DSCAM: variants seen among roughly 807,000 people sequenced by gnomAD.
The protein encoded by DSCAM is DS cell adhesion molecule.
A neutral mutation model predicts 217.7 loss-of-function variants in DSCAM; 47 were observed. That is an observed-to-expected ratio of 0.22 (90% confidence interval 0.17 to 0.28). The LOEUF (loss-of-function observed/expected upper bound fraction) is 0.28. Among genes scored for constraint, DSCAM ranks in the 10% least tolerant of loss-of-function variants. The probability of loss-of-function intolerance (pLI) is 1.00; values close to 1 mark genes in which losing one functional copy is unlikely to be tolerated. For missense variants in DSCAM, 2,080 were observed against 2,618.3 expected, an observed-to-expected ratio of 0.79 and a Z score of 4.49; for synonymous variants, 1,056 against 1,015.3, an observed-to-expected ratio of 1.04 and a Z score of -0.76.
intron 11 of DSCAM, among the ~76,000 whole-genome samples, chr21:40,252,267 T>C (rs1329891636): frequency 6.6e-6 from 1 of 152,176 alleles, no homozygotes; most frequent in Non-Finnish European, 1.5e-5. Flanking sequence ...TGCCATAAAG[T>C]ATGCATGGGT....
intron 1 of DSCAM, among the ~76,000 whole-genome samples, chr21:40,783,441 G>A (rs554968685): frequency 6.6e-6 from 1 of 152,234 alleles, no homozygotes; most frequent in Non-Finnish European, 1.5e-5. Context: ...GTGTGTACGT[G>A]TGTGTGCGTG....
chr21:40,080,392 A>T (rs1256681961), intron 24 of DSCAM, 52 bp from the exon 25 acceptor site: 2 of 1,433,298 alleles, frequency 1.4e-6, no homozygotes, highest in African/African-American at 2.8e-5. Flanking sequence ...TTTCTATGGG[A>T]AGTGGACTGA....
intron 3 of DSCAM, among the ~76,000 whole-genome samples, chr21:40,418,846 A>G (rs2075396162): frequency 6.6e-6 from 1 of 152,214 alleles, no homozygotes; most frequent in African/African-American, 2.4e-5. Flanking sequence ...TTTCACAAAA[A>G]TTTAGAGAAA....
chr21:40,737,424 G>A (rs935550389), intron 1 of DSCAM, among the ~76,000 whole-genome samples: 1 of 152,160 alleles, frequency 6.6e-6, no homozygotes, highest in Non-Finnish European at 1.5e-5. Flanking sequence ...GATCACCTGA[G>A]GTCAGGAGTT....
intron 8 of DSCAM, among the ~76,000 whole-genome samples, chr21:40,332,962 C>T (rs2074392528): frequency 6.6e-6 from 1 of 152,150 alleles, no homozygotes; most frequent in South Asian, 2.1e-4. Context: ...AACGAACCTC[C>T]TGGGGACAAG....
At chr21:40,839,430 T>G (rs1222247174) in intron 1 of DSCAM, among the ~76,000 whole-genome samples, 2 of 152,196 alleles carry the variant, frequency 1.3e-5, no homozygotes, top group Non-Finnish European at 2.9e-5. Context: ...GAATAAATAT[T>G]TGTAGCAGTG....
chr21:40,735,341 G>T (rs1212896402), intron 1 of DSCAM, among the ~76,000 whole-genome samples: 1 of 152,176 alleles, frequency 6.6e-6, no homozygotes, highest in Admixed American at 6.5e-5. Flanking sequence ...GTTAAGGAAC[G>T]TATACAATTT....
At chr21:40,835,571 C>T (rs1173246312) in intron 1 of DSCAM, among the ~76,000 whole-genome samples, 2 of 152,112 alleles carry the variant, frequency 1.3e-5, no homozygotes, top group East Asian at 1.9e-4. Flanking sequence ...AATTTCAAAA[C>T]GGCCACTCAA....
At chr21:40,508,574 T>A (rs1023268471) in intron 3 of DSCAM, among the ~76,000 whole-genome samples, 4 of 150,896 alleles carry the variant, frequency 2.7e-5, no homozygotes, top group African/African-American at 9.7e-5. Flanking sequence ...GTTATCATCA[T>A]TATTATTATT....
At chr21:40,758,394 G>A (rs917730562) in intron 1 of DSCAM, among the ~76,000 whole-genome samples, 4 of 151,962 alleles carry the variant, frequency 2.6e-5, no homozygotes, top group African/African-American at 4.8e-5. Context: ...GCAGGCGCCT[G>A]TAGTCCCAGC....
intron 10 of DSCAM, among the ~76,000 whole-genome samples, chr21:40,292,792 G>C (rs1183962766): frequency 6.6e-6 from 1 of 151,974 alleles, no homozygotes; most frequent in Non-Finnish European, 1.5e-5. Context: ...GCACAGGCTG[G>C]AGTGCAGTGG....
At chr21:40,534,172 G>T (rs1490235448) in intron 3 of DSCAM, among the ~76,000 whole-genome samples, 1 of 152,124 alleles carries the variant, frequency 6.6e-6, no homozygotes, top group Non-Finnish European at 1.5e-5. Context: ...TAGAGTATGT[G>T]AAATTTTTTT....
At chr21:40,592,728 A>G (rs542649940) in intron 3 of DSCAM, among the ~76,000 whole-genome samples, 3 of 152,160 alleles carry the variant, frequency 2.0e-5, no homozygotes, top group African/African-American at 7.2e-5. Context: ...CCCTCACCCC[A>G]TGTCATCTCT....
chr21:40,190,505 A>C (rs1320864685), intron 11 of DSCAM, among the ~76,000 whole-genome samples: 1 of 152,220 alleles, frequency 6.6e-6, no homozygotes, highest in Non-Finnish European at 1.5e-5. Flanking sequence ...TAATAATAAC[A>C]ATAAATAAAA....
intron 3 of DSCAM, among the ~76,000 whole-genome samples, chr21:40,617,826 T>C (rs2089425014): frequency 6.6e-6 from 1 of 152,164 alleles, no homozygotes; most frequent in Non-Finnish European, 1.5e-5. Context: ...CATCTAGAAA[T>C]AGAGACTCTG....
chr21:40,712,488 A>G (rs1416485709), intron 1 of DSCAM, among the ~76,000 whole-genome samples: 1 of 148,106 alleles, frequency 6.8e-6, no homozygotes, highest in Admixed American at 6.7e-5. Context: ...AAAAAAAAAA[A>G]AAAAAAAAGA....
chr21:40,253,843 T>C (rs2073337259), intron 11 of DSCAM, among the ~76,000 whole-genome samples: 1 of 152,228 alleles, frequency 6.6e-6, no homozygotes, highest in African/African-American at 2.4e-5. Context: ...TTCACTCATG[T>C]CCTTTTTGGT....
chr21:40,467,140 C>T (rs2075851810), intron 3 of DSCAM, among the ~76,000 whole-genome samples: 1 of 152,168 alleles, frequency 6.6e-6, no homozygotes, highest in Non-Finnish European at 1.5e-5. Context: ...TTTAAACAAT[C>T]AAGACAATTA....
intron 4 of DSCAM, among the ~76,000 whole-genome samples, chr21:40,358,068 G>T (rs1007270806): frequency 2.0e-5 from 3 of 152,118 alleles, no homozygotes; most frequent in Non-Finnish European, 4.4e-5. Context: ...TTTGGCAGGG[G>T]TGGCTGACAA....
Sources: gnomAD v4.1 joint callset for allele counts (sites outside exome capture counted in the v4.1 genomes callset) on GRCh38, gnomAD v4.1.1 for gene constraint, MANE v1.5 for transcripts, NCBI Gene and HGNC (gene_info 2026-07-23, HGNC 2026-07-21) for gene names.